PEDS1: variants seen among roughly 807,000 people sequenced by gnomAD.
The protein encoded by PEDS1 is CarF homolog.
A neutral mutation model predicts 35.2 loss-of-function variants in PEDS1; 14 were observed. The ratio of observed to expected loss-of-function variants is 0.40; its 90% CI spans 0.26 to 0.62. The LOEUF (loss-of-function observed/expected upper bound fraction) is 0.62, where lower values mean the gene tolerates loss of function less well. PEDS1 is among the 20% of genes least tolerant of loss of function. PEDS1 has a pLI of 0.44. For missense variants in PEDS1, 260 were observed against 367.8 expected (o/e 0.71, Z 2.40); for synonymous variants, 152 against 152.0 (o/e 1.00, Z 0.00).
chr20:50,133,659 C>T (rs1307953940), intron 2 of PEDS1, among the ~76,000 whole-genome samples: 1 of 152,238 alleles, frequency 6.6e-6, no homozygotes, highest in Non-Finnish European at 1.5e-5. Context: ...CACTCCAGAT[C>T]CCCTGTGCTG....
Position 50,122,862 on chromosome 20 carries a change from A to C in PEDS1, c.*2196T>G, listed in dbSNP as rs1307768305. 1 of 151,998 alleles carries C rather than the reference A, an allele frequency of 6.6e-6. No individual in the cohort carries two copies. Among genetic ancestry groups the C allele is most frequent in the Non-Finnish European group, 1.5e-5 (1 of 68,002 alleles). 9.4% of individuals were successfully genotyped at this position (151,998 alleles called of 1,614,324 possible). ...CATACCTAAAATTCCAGCACTTTGG[A>C]AGGCCAAGGCGGATCACTTGAGGCC... On this transcript the variant is annotated 3_prime_UTR_variant, in exon 6 of 6. Coordinates refer to ENST00000371652, the MANE Select transcript of PEDS1 (RefSeq NM_199129.4).
At chr20:50,138,593 C>T (rs2081259917) in intron 2 of PEDS1, among the ~76,000 whole-genome samples, 1 of 152,174 alleles carries the variant, frequency 6.6e-6, no homozygotes, top group South Asian at 2.1e-4. Flanking sequence ...GGAGGGATGT[C>T]TGCTTTGGAC....
intron 1 of PEDS1, among the ~76,000 whole-genome samples, chr20:50,152,164 G>A (rs2081411343): frequency 6.6e-6 from 1 of 152,182 alleles, no homozygotes; most frequent in Non-Finnish European, 1.5e-5. Flanking sequence ...TGGACCAGGT[G>A]CCCAAGTCAG....
At chr20:50,145,725 C>T (rs959559264) in intron 1 of PEDS1, among the ~76,000 whole-genome samples, 1 of 152,026 alleles carries the variant, frequency 6.6e-6, no homozygotes, top group African/African-American at 2.4e-5. Flanking sequence ...ATAAAAACAC[C>T]ATGTGGGTGA....
intron 1 of PEDS1, among the ~76,000 whole-genome samples, chr20:50,145,772 G>A (rs1203497623): frequency 1.3e-5 from 2 of 152,170 alleles, no homozygotes; most frequent in African/African-American, 4.8e-5. Context: ...CCAGGCAGCT[G>A]CTCCATAAGG....
chr20:50,126,795 C>A (rs1446939981), intron 5 of PEDS1, among the ~76,000 whole-genome samples: 1 of 152,220 alleles, frequency 6.6e-6, no homozygotes, highest in Non-Finnish European at 1.5e-5. Flanking sequence ...GCTAACTGAG[C>A]ATGGCACGTG....
rs762379081 is a variant in PEDS1 at position 50,143,527 on chromosome 20, G to A, written c.216C>T (p.Asp72=). The A allele has an allele frequency of 1.8e-4, 293 of 1,611,490 alleles. 1 individual carries two copies. Among genetic ancestry groups the A allele is most frequent in the Non-Finnish European group, 2.3e-4 (274 of 1,179,208 alleles). The change falls in exon 2 of 6, where the codon GAC becomes GAT. Residue 72 remains aspartate, a synonymous_variant. Coordinates refer to ENST00000371652, the MANE Select transcript of PEDS1 (RefSeq NM_199129.4). ...VHLLLLARWE[D]TPLVILGVVA... is the part of the protein sequence containing the mutation. ...CAACACCGAGTATGACGAGGGGTGTGTCCTCCCAGCGGGCCAGCAGCAGGA... is the reference window on the plus strand; with the variant it reads ...CAACACCGAGTATGACGAGGGGTGTATCCTCCCAGCGGGCCAGCAGCAGGA...
rs1435872306 is a variant in PEDS1, at chr20:50,118,640, GAC to G, written c.*6416_*6417del. 6.7e-6 allele frequency: 1 copy of G among 150,260 alleles called. No individual in the cohort carries two copies. The highest frequency in any genetic ancestry group is 1.5e-5 in the Non-Finnish European group (1 of 67,740). 9.3% of individuals were successfully genotyped at this position (150,260 alleles called of 1,614,324 possible). On this transcript the variant is annotated 3_prime_UTR_variant, in exon 6 of 6. Coordinates refer to ENST00000371652, the MANE Select transcript of PEDS1 (RefSeq NM_199129.4). ...TACTTTTTTTTTGTTTTTTTTTTGAGACAGAGTCTCGCTGTGTCGCCCAGGCT... is the reference window on the plus strand; with the variant it reads ...TACTTTTTTTTTGTTTTTTTTTTGAGAGAGTCTCGCTGTGTCGCCCAGGCT...
intron 1 of PEDS1, among the ~76,000 whole-genome samples, chr20:50,148,073 G>C (rs1446976106): frequency 2.0e-5 from 3 of 152,214 alleles, no homozygotes; most frequent in Non-Finnish European, 2.9e-5. Flanking sequence ...CTGGGCGACA[G>C]AGCAAGACTC....
chr20:50,137,099 A>G (rs1278356410), intron 2 of PEDS1, among the ~76,000 whole-genome samples: 3 of 152,094 alleles, frequency 2.0e-5, no homozygotes, highest in Non-Finnish European at 4.4e-5. Flanking sequence ...AGACTCTCCC[A>G]CTGTGGCCCA....
intron 2 of PEDS1, among the ~76,000 whole-genome samples, chr20:50,137,802 C>T (rs927253170): frequency 9.9e-5 from 15 of 152,106 alleles, no homozygotes; most frequent in Non-Finnish European, 2.1e-4. Flanking sequence ...ACCTGGGAGG[C>T]GGAGGTTGCA....
intron 1 of PEDS1, among the ~76,000 whole-genome samples, chr20:50,150,852 T>G (rs2081395538): frequency 6.6e-6 from 1 of 152,112 alleles, no homozygotes; most frequent in Non-Finnish European, 1.5e-5. Flanking sequence ...CCTGCCACCA[T>G]GCCCAGCTAA....
In PEDS1 at chr20:50,129,505, C is replaced by A; in HGVS notation, c.478+41G>T. ...GGCTCCTGGGGGTCGGCCTCTGCCC[C>A]CAAGGCCCCCTCCCAGCCCACCACT... On this transcript the variant is annotated intron_variant, in intron 4 of 5. Transcript: ENST00000371652. This position sits in a 1 kb window ranked among gnomAD's most constrained non-coding sequence, Gnocchi z 4.2. The A allele has an allele frequency of 6.2e-7, 1 of 1,612,562 alleles. No homozygotes were observed. Among genetic ancestry groups the A allele is most frequent in the African/African-American group, 1.3e-5 (1 of 75,024 alleles).
In PEDS1 at chr20:50,124,793, T is replaced by C. The variant is rs999482090; in HGVS notation, c.*265A>G. On this transcript the variant is annotated 3_prime_UTR_variant, in exon 6 of 6. Coordinates refer to ENST00000371652, the MANE Select transcript of PEDS1 (RefSeq NM_199129.4). ...GTGCAGGGAGTGGGTAAACCTCCTCTCTACCAGGGGAGGCTGGCAGAGTCA... is the reference window on the plus strand; with the variant it reads ...GTGCAGGGAGTGGGTAAACCTCCTCCCTACCAGGGGAGGCTGGCAGAGTCA... The C allele has an allele frequency of 1.5e-5, 6 of 391,484 alleles. No individual in the cohort carries two copies. In the East Asian group the frequency reaches 2.4e-4, roughly 16 times the overall value. The allele number at this position is 391,484 out of a possible 1,614,324, so 24.3% of individuals were successfully genotyped here. A position where few individuals can be genotyped will look rare whatever the true frequency, so the allele number is the denominator to read the frequency against.
In PEDS1 at chr20:50,130,868, G is replaced by C. The variant is rs769452309; in HGVS notation, c.321C>G (p.Pro107=). 5 of 1,614,080 alleles carry C rather than the reference G, an allele frequency of 3.1e-6. No homozygotes were observed. The highest frequency in any genetic ancestry group is 1.1e-5 in the South Asian group (1 of 91,076). Residue 107 remains proline, a synonymous_variant, in exon 3 of 6, where the codon CCC becomes CCG. Coordinates refer to ENST00000371652, the MANE Select transcript of PEDS1 (RefSeq NM_199129.4). ...TCAACATACTCACCTTCCCCACAAT[G>C]GGCAGCTCCACAGAGCCCCATGTGT... The part of the protein sequence containing the change: ...GADTWGSVEL[P]IVGKAFIRPF...
chr20:50,132,956 T>A (rs1354559405), intron 2 of PEDS1, among the ~76,000 whole-genome samples: 1 of 152,182 alleles, frequency 6.6e-6, no homozygotes, highest in African/African-American at 2.4e-5. Flanking sequence ...CTGTGAGTGA[T>A]GACACGTGTG....
chr20:50,118,503 A>G lies in PEDS1; in HGVS notation c.*6555T>C, dbSNP rs1413069929. On this transcript the variant is annotated 3_prime_UTR_variant, in exon 6 of 6. Transcript: ENST00000371652. ...AATGCTACCCTCCCTTCCAAGAAAA[A>G]TAGGAAAAGGACATGAACAGATGAG... is the stretch of plus-strand genomic sequence containing the variant. The G allele has an allele frequency of 6.6e-6, 1 of 152,262 alleles. No homozygotes were observed. Among genetic ancestry groups the G allele is most frequent in the African/African-American group, 2.4e-5 (1 of 41,472 alleles). The allele number at this position is 152,262 out of a possible 1,614,324, so 9.4% of individuals were successfully genotyped here. A position where few individuals can be genotyped will look rare whatever the true frequency, so the allele number is the denominator to read the frequency against.
rs1410353055 is a variant in PEDS1, at chr20:50,153,570, C to T, written c.68G>A (p.Arg23His). Residue 23 changes from arginine (R) to histidine (H), a missense_variant, in exon 1 of 6, where the codon CGC becomes CAC. Physicochemically the swap from Arg to His is conservative, Grantham distance 29. Around this residue, in one of 4 missense-constraint regions of PEDS1, gnomAD observed 114 missense variants for 121.6 expected, o/e 0.94. Transcript: ENST00000371652. ...ELDEDEASCC[R>H]WGAQHAGARE... Reference sequence around the variant, plus strand: ...GGCCCCGGCGTGCTGCGCGCCCCAGCGGCAACAAGACGCCTCGTCCTCGTC... The same window carrying T: ...GGCCCCGGCGTGCTGCGCGCCCCAGTGGCAACAAGACGCCTCGTCCTCGTC... 8 of 1,434,448 alleles carry T rather than the reference C, an allele frequency of 5.6e-6. No homozygotes were observed. Among genetic ancestry groups the T allele is most frequent in the Non-Finnish European group, 7.4e-6 (8 of 1,087,906 alleles). 88.9% of individuals were successfully genotyped at this position (1,434,448 alleles called of 1,614,324 possible). A position where few individuals can be genotyped will look rare whatever the true frequency, so the allele number is the denominator to read the frequency against.
rs756447665 is a variant in PEDS1, at chr20:50,128,209, G to C, written c.479-22C>G. On this transcript the variant is annotated intron_variant, in intron 4 of 5. Coordinates refer to ENST00000371652, the MANE Select transcript of PEDS1 (RefSeq NM_199129.4). The surrounding 1 kb of genome is among the most constrained non-coding windows in gnomAD (Gnocchi z 5.2). ...GCTTCTGCAGGTTGGGGAGAGGGGG[G>C]GCCGGCACAGCTGTCACTCGGGACG... 1.2e-6 allele frequency: 2 copies of C among 1,613,054 alleles called. No homozygotes were observed. Among genetic ancestry groups the C allele is most frequent in the Non-Finnish European group, 8.5e-7 (1 of 1,179,594 alleles).
Sources: gnomAD v4.1 joint callset for allele counts (sites outside exome capture counted in the v4.1 genomes callset) on GRCh38, gnomAD v4.1.1 for gene constraint, gnomAD v4.1.1 regional missense constraint, Gnocchi (gnomAD v3.1) non-coding constraint, MANE v1.5 for transcripts, NCBI Gene and HGNC (gene_info 2026-07-23, HGNC 2026-07-21) for gene names.